ZNF18: variants seen among roughly 807,000 people sequenced by gnomAD.
The protein encoded by ZNF18 is zinc finger protein 18.
ZNF18 carries 42 observed loss-of-function variants against 58.1 expected under a neutral mutation model. That is an observed-to-expected ratio of 0.72 (90% CI 0.56 to 0.93). ZNF18 has a LOEUF of 0.93. Ranked by LOEUF, ZNF18 falls within the 40% of genes least tolerant of loss-of-function variation. The pLI is 0.00. For missense variants in ZNF18, 540 were observed against 644.2 expected, an observed-to-expected ratio of 0.84 and a Z score of 1.75; for synonymous variants, 231 against 239.8, an observed-to-expected ratio of 0.96 and a Z score of 0.34.
Position 11,978,037 on chromosome 17 carries a change from G to A in ZNF18, c.1570C>T (p.His524Tyr), listed in dbSNP as rs761350849. 3 of 1,612,632 alleles carry A rather than the reference G, an allele frequency of 1.9e-6. No homozygotes were observed. Among genetic ancestry groups the A allele is most frequent in the South Asian group, 2.2e-5 (2 of 90,942 alleles). ...HTGEKPYKCS[H>Y]CGKSFSWSSS... ...CTCCAGCTGAAACTTTTCCCACAGT[G>A]CGAACATTTATAAGGTTTCTCTCCA... The change falls in exon 7 of 7, where the codon CAC (histidine) becomes TAC (tyrosine). Residue 524 changes from histidine to tyrosine, a missense_variant. His to Tyr is a moderately conservative substitution (Grantham distance 83). Coordinates refer to ENST00000580306, the MANE Select transcript of ZNF18 (RefSeq NM_001303281.2).
chr17:12,010,414 C>T, the ZNF18 span, among the ~76,000 whole-genome samples: 3 of 151,464 alleles, frequency 2.0e-5, no homozygotes, highest in Non-Finnish European at 1.5e-5. Flanking sequence ...ACATTTGTTT[C>T]TGAACTTTTT....
intron 2 of ZNF18, 84 bp from the exon 3 acceptor site, chr17:11,991,247 G>T: frequency 8.5e-7 from 1 of 1,179,278 alleles, no homozygotes; most frequent in Non-Finnish European, 1.2e-6. Context: ...CTCTACAACA[G>T]ATCATAAGAC....
chr17:11,983,289 T>C lies in ZNF18; in HGVS notation c.862+8A>G, dbSNP rs1159955226. 6.3e-6 allele frequency: 10 copies of C among 1,579,118 alleles called. No individual in the cohort carries two copies. Among genetic ancestry groups the C allele is most frequent in the Non-Finnish European group, 8.7e-6 (10 of 1,148,198 alleles). On this transcript the variant is annotated splice_region_variant and intron_variant, in intron 6 of 6. Transcript: ENST00000580306. Reference sequence around the variant, plus strand: ...GAAATGATTCCAGACCAATGAAAGATTACTCACCTATGCAGGTGGGTCTTG... The same window carrying C: ...GAAATGATTCCAGACCAATGAAAGACTACTCACCTATGCAGGTGGGTCTTG...
chr17:11,982,543 G>A (rs961652299), intron 6 of ZNF18, among the ~76,000 whole-genome samples: 2 of 152,044 alleles, frequency 1.3e-5, no homozygotes, highest in Non-Finnish European at 2.9e-5. Flanking sequence ...TGGTATATTA[G>A]CAAAAGAAAA....
chr17:11,984,339 C>T, intron 4 of ZNF18, 142 bp from the exon 5 acceptor site: 1 of 749,732 alleles, frequency 1.3e-6, no homozygotes, highest in Non-Finnish European at 2.1e-6. Flanking sequence ...GAAATCCCAG[C>T]AGAGTGGTTC....
intron 5 of ZNF18, among the ~76,000 whole-genome samples, chr17:11,983,906 C>G (rs937870506): frequency 6.6e-6 from 1 of 152,188 alleles, no homozygotes; most frequent in Non-Finnish European, 1.5e-5. Context: ...ACAAACAGTT[C>G]CTGGCACACG....
intron 4 of ZNF18, among the ~76,000 whole-genome samples, chr17:11,987,497 A>G (rs1208092034): frequency 6.6e-6 from 1 of 152,218 alleles, no homozygotes; most frequent in African/African-American, 2.4e-5. Context: ...CAGATTGGGT[A>G]GGGACAACTT....
chr17:12,011,376 T>C, the ZNF18 span: 1 of 176,882 alleles, frequency 5.7e-6, no homozygotes, highest in Non-Finnish European at 1.2e-5. Flanking sequence ...CTGATTTAGT[T>C]CCATCATTTT....
the ZNF18 span, chr17:12,020,834 G>C: frequency 3.5e-6 from 3 of 857,214 alleles, no homozygotes; most frequent in Admixed American, 4.4e-5. Flanking sequence ...GCGAGAGGCC[G>C]AGCTTGCTGC....
the ZNF18 span, among the ~76,000 whole-genome samples, chr17:12,012,801 A>T: frequency 6.6e-6 from 1 of 152,166 alleles, no homozygotes; most frequent in East Asian, 1.9e-4. Context: ...TTGGTCTCCC[A>T]AAGTGTTGGG....
intron 6 of ZNF18, among the ~76,000 whole-genome samples, chr17:11,982,388 C>CT (rs1304944961): frequency 6.6e-6 from 1 of 152,070 alleles, no homozygotes; most frequent in African/African-American, 2.4e-5. Flanking sequence ...GGTTGTAACT[C>CT]TATCAAATGA....
At chr17:12,013,232 G>A in the ZNF18 span, among the ~76,000 whole-genome samples, 13 of 152,216 alleles carry the variant, frequency 8.5e-5, no homozygotes, top group Non-Finnish European at 1.3e-4. Flanking sequence ...TTACAGGCGT[G>A]AGCCACTGTG....
At chr17:12,012,963 T>G in the ZNF18 span, among the ~76,000 whole-genome samples, 1 of 152,092 alleles carries the variant, frequency 6.6e-6, no homozygotes, top group South Asian at 2.1e-4. Flanking sequence ...GAATTTTTTT[T>G]TTTTTTTGAG....
At position 11,986,110 on chromosome 17, in the gene ZNF18, A is replaced by T. The variant is rs377548058; in HGVS notation, c.667-1913T>A. ...TCCTGTGCTGTTCTCATCATAGTGA[A>T]TAAGATAACATCCGATGGCTTTAAA... On this transcript the variant is annotated intron_variant, in intron 4 of 6. Coordinates refer to ENST00000580306, the MANE Select transcript of ZNF18 (RefSeq NM_001303281.2). Among the ~76,000 whole-genome samples the T allele has an allele frequency of 4.6e-5, 7 of 152,210 alleles. No individual in the cohort carries two copies. In the East Asian group the frequency reaches 1.3e-3, roughly 29 times the overall value.
chr17:11,996,685 C>CT (rs1968488757), intron 1 of ZNF18: 2 of 152,124 alleles, frequency 1.3e-5, no homozygotes, highest in African/African-American at 4.8e-5. Context: ...AAAGTGCATT[C>CT]TAGGTGTAAT....
Position 11,978,168 on chromosome 17 carries a change from C to T in ZNF18, c.1439G>A (p.Arg480His), listed in dbSNP as rs1195710140. ...GKGFSDFSGL[R>H]HHEKIHTGEK... Reference sequence around the variant, plus strand: ...TCCTGTGTGGATTTTCTCGTGGTGGCGCAATCCTGAGAAGTCACTAAAGCC... The same window carrying T: ...TCCTGTGTGGATTTTCTCGTGGTGGTGCAATCCTGAGAAGTCACTAAAGCC... Residue 480 changes from arginine to histidine, a missense_variant, in exon 7 of 7, where the codon CGC becomes CAC. By Grantham distance (29) the Arg-to-His change is conservative. Transcript: ENST00000580306. 2.5e-6 allele frequency: 4 copies of T among 1,613,962 alleles called. No individual in the cohort carries two copies. The highest frequency in any genetic ancestry group is 4.5e-5 in the East Asian group (2 of 44,874).
chr17:12,009,420 T>C, the ZNF18 span, among the ~76,000 whole-genome samples: 1 of 151,744 alleles, frequency 6.6e-6, no homozygotes, highest in Non-Finnish European at 1.5e-5. Context: ...TCCACCCATC[T>C]CTGTGCCATA....
chr17:11,984,501 A>G (rs1218911970), intron 4 of ZNF18, among the ~76,000 whole-genome samples: 2 of 140,672 alleles, frequency 1.4e-5, no homozygotes, highest in African/African-American at 5.2e-5. Flanking sequence ...TTTCCATACT[A>G]TTTGTTTTTA....
the ZNF18 span, among the ~76,000 whole-genome samples, chr17:12,010,420 T>A: frequency 7.0e-6 from 1 of 143,870 alleles, no homozygotes; most frequent in Non-Finnish European, 1.5e-5. Context: ...GTTTCTGAAC[T>A]TTTTTTTTTT....
Sources: gnomAD v4.1 joint callset for allele counts (sites outside exome capture counted in the v4.1 genomes callset) on GRCh38, gnomAD v4.1.1 for gene constraint, MANE v1.5 for transcripts, NCBI Gene and HGNC (gene_info 2026-07-23, HGNC 2026-07-21) for gene names.